The following DNM1 variants were observed in gnomAD, a reference collection of about 807,000 sequenced individuals.
DNM1 encodes the protein dynamin-1.
DNM1 carries 29 observed loss-of-function variants against 104.6 expected under a neutral mutation model. That is an observed-to-expected ratio of 0.28 (90% confidence interval 0.21 to 0.38). The LOEUF (loss-of-function observed/expected upper bound fraction) is 0.38. DNM1 is among the 10% of genes least tolerant of loss of function. The probability of loss-of-function intolerance (pLI) is 1.00; values close to 1 mark genes in which losing one functional copy is unlikely to be tolerated. For missense variants in DNM1, 640 were observed against 1,189.4 expected, an observed-to-expected ratio of 0.54 and a Z score of 6.79; for synonymous variants, 445 against 475.8, an observed-to-expected ratio of 0.94 and a Z score of 0.84.
chr9:128,253,747 C>A lies in DNM1; in HGVS notation c.2535-907C>A. 2.7e-6 allele frequency: 1 copy of A among 369,802 alleles called. No homozygotes were observed. Among genetic ancestry groups the A allele is most frequent in the East Asian group, 4.3e-5 (1 of 23,356 alleles). 22.9% of individuals were successfully genotyped at this position (369,802 alleles called of 1,614,324 possible). A position where few individuals can be genotyped will look rare whatever the true frequency, so the allele number is the denominator to read the frequency against. On this transcript the variant is annotated intron_variant, in intron 21 of 21. Coordinates refer to ENST00000372923, the MANE Select transcript of DNM1 (RefSeq NM_004408.4). This position sits in a 1 kb window ranked among gnomAD's most constrained non-coding sequence, Gnocchi z 5.9. ...GTCATCCCACGACATACCTCACAGGCCAGGCAGGGACACACAGCCCCCTTC... is the reference window on the plus strand; with the variant it reads ...GTCATCCCACGACATACCTCACAGGACAGGCAGGGACACACAGCCCCCTTC...
In DNM1 at chr9:128,245,024, AGGGGCCTGAGGAG is replaced by A; in HGVS notation, c.1672-1363_1672-1351del. 1 of 235,750 alleles carries A rather than the reference AGGGGCCTGAGGAG, an allele frequency of 4.2e-6. No homozygotes were observed. 14.6% of individuals were successfully genotyped at this position (235,750 alleles called of 1,614,324 possible). On this transcript the variant is annotated intron_variant, in intron 15 of 21. Transcript: ENST00000372923. The surrounding 1 kb of genome is among the most constrained non-coding windows in gnomAD (Gnocchi z 5.2). ...TGAGCGGGAGCTGGGGCTGAGAAGG[AGGGGCCTGAGGAG>A]GGGGCCGGCCGGCAGGAAGGGAGGG...
intron 19 of DNM1, among the ~76,000 whole-genome samples, chr9:128,249,262 C>G (rs1419870181): frequency 6.6e-6 from 1 of 152,030 alleles, no homozygotes; most frequent in Non-Finnish European, 1.5e-5. Context: ...GTAATCCCAG[C>G]ACTTTGGGAG....
chr9:128,239,901 C>A, intron 13 of DNM1, 84 bp from the exon 14 acceptor site: 3 of 1,588,668 alleles, frequency 1.9e-6, no homozygotes, highest in Non-Finnish European at 2.6e-6. Context: ...CAGCTGCCAG[C>A]CACAAGCCTC....
At chr9:128,225,974 C>A in intron 10 of DNM1, 1 of 1,555,290 alleles carries the variant, frequency 6.4e-7, no homozygotes. Flanking sequence ...GGCTTTCACC[C>A]ACTTCTCCTC....
chr9:128,245,152 T>TCCCTGG lies in DNM1; in HGVS notation c.1672-1239_1672-1234dup, dbSNP rs934253841. On this transcript the variant is annotated intron_variant, in intron 15 of 21. Coordinates refer to ENST00000372923, the MANE Select transcript of DNM1 (RefSeq NM_004408.4). The surrounding 1 kb of genome is among the most constrained non-coding windows in gnomAD (Gnocchi z 5.2). ...GCCTCTCTCGAACGGTTCCAGATGT[T>TCCCTGG]CCCTGGCCGTGTGTGCAACTTCCTC... 2.3e-5 allele frequency: 4 copies of TCCCTGG among 172,632 alleles called. No individual in the cohort carries two copies. The highest frequency in any genetic ancestry group is 9.5e-5 in the African/African-American group (4 of 42,148). 10.7% of individuals were successfully genotyped at this position (172,632 alleles called of 1,614,324 possible).
rs530320406 is a variant in DNM1 at position 128,207,992 on chromosome 9, AC to A, written c.161+4367del. 5.7e-3 allele frequency among the ~76,000 whole-genome samples: 845 copies of A among 148,702 alleles called. 7 individuals are homozygous for A. Among genetic ancestry groups the A allele is most frequent in the Middle Eastern group, 0.011 (3 of 282 alleles). ...TTTAGGTTTCCCCGTAACTCTGCCTACCCCCCACCCCCAGGCTTTCTGTCTC... is the reference window on the plus strand; with the variant it reads ...TTTAGGTTTCCCCGTAACTCTGCCTACCCCCACCCCCAGGCTTTCTGTCTC... On this transcript the variant is annotated intron_variant, in intron 1 of 21. Coordinates refer to ENST00000372923, the MANE Select transcript of DNM1 (RefSeq NM_004408.4).
In DNM1 at chr9:128,224,169, G is replaced by A. The variant is rs1182506364; in HGVS notation, c.1197-82G>A. 1.4e-5 allele frequency: 22 copies of A among 1,531,298 alleles called. No individual in the cohort carries two copies. Among genetic ancestry groups the A allele is most frequent in the Non-Finnish European group, 1.9e-5 (22 of 1,135,468 alleles). 94.9% of individuals were successfully genotyped at this position (1,531,298 alleles called of 1,614,324 possible). ...AGGGCCCCTCAGGCAGAGTTCGTGGGCTTGGGGAGGAGCCTCGGCCTGGCC... is the reference window on the plus strand; with the variant it reads ...AGGGCCCCTCAGGCAGAGTTCGTGGACTTGGGGAGGAGCCTCGGCCTGGCC... On this transcript the variant is annotated intron_variant, in intron 9 of 21. Coordinates refer to ENST00000372923, the MANE Select transcript of DNM1 (RefSeq NM_004408.4). This position sits in a 1 kb window ranked among gnomAD's most constrained non-coding sequence, Gnocchi z 4.3.
chr9:128,242,169 A>G (rs1035648691), intron 14 of DNM1, 63 bp from the exon 15 acceptor site: 8 of 942,044 alleles, frequency 8.5e-6, no homozygotes, highest in South Asian at 1.3e-5. Flanking sequence ...CTCTTTGCCT[A>G]CCCCATCCCC....
At position 128,218,613 on chromosome 9, in the gene DNM1, G is replaced by T. The variant is rs1229779896; in HGVS notation, c.267G>T (p.Lys89Asn). ...CCGAGTTCCTGCACTGCAAGGGAAA[G>T]AAATTCACCGACTTCGAGGAGGTGC... The part of the protein sequence containing the change: ...EYAEFLHCKG[K>N]KFTDFEEVRL... The change falls in exon 3 of 22, where the codon AAG becomes AAT. Residue 89 changes from lysine (K) to asparagine (N), a missense_variant. This residue lies in a region of DNM1 where 172 missense variants were observed against 335.3 expected (regional missense o/e 0.51). Coordinates refer to ENST00000372923, the MANE Select transcript of DNM1 (RefSeq NM_004408.4). This position sits in a 1 kb window ranked among gnomAD's most constrained non-coding sequence, Gnocchi z 4.8. The T allele has an allele frequency of 2.5e-6, 4 of 1,613,468 alleles. No homozygotes were observed. Among genetic ancestry groups the T allele is most frequent in the African/African-American group, 2.7e-5 (2 of 74,872 alleles).
chr9:128,251,419 C>T, intron 21 of DNM1: 1 of 294,176 alleles, frequency 3.4e-6, no homozygotes, highest in East Asian at 1.1e-4. Flanking sequence ...CCAGCCCTGA[C>T]TCCTTTGAGC....
At position 128,234,111 on chromosome 9, in the gene DNM1, AG is replaced by A. The variant is rs1280153172; in HGVS notation, c.1422+5del. 1.3e-6 allele frequency: 2 copies of A among 1,538,608 alleles called. No homozygotes were observed. Among genetic ancestry groups the A allele is most frequent in the Admixed American group, 2.0e-5 (1 of 50,432 alleles). On this transcript the variant is annotated splice_donor_5th_base_variant and intron_variant, in intron 11 of 21. Coordinates refer to ENST00000372923, the MANE Select transcript of DNM1 (RefSeq NM_004408.4). ...CGAGGGCCGCACTAAGGAGCAGGTG[AG>A]CCCCGCAGCACCCGGCCTGGCCGCG... is the stretch of plus-strand genomic sequence containing the variant.
intron 20 of DNM1, 113 bp from the exon 21 acceptor site, chr9:128,250,612 A>G: frequency 9.5e-7 from 1 of 1,054,016 alleles, no homozygotes; most frequent in Non-Finnish European, 1.3e-6. Flanking sequence ...GGGGTGCGGC[A>G]GGGAGGGGCT....
rs752575279 is a variant in DNM1, at chr9:128,254,655, C to T, written c.2536C>T (p.Arg846Ter). The change falls in exon 22 of 22, where the codon CGA becomes TGA. Residue 846 changes from arginine to a stop codon, truncating the protein, a stop_gained and splice_region_variant. Transcript: ENST00000372923. LOFTEE classifies it high-confidence loss of function. This position sits in a 1 kb window ranked among gnomAD's most constrained non-coding sequence, Gnocchi z 6.1. ...CTCTGCTTTCTCTCCAACTGCCAGC[C>T]GATCGGGTCAGGCAAGTCCATCCCG... ...PNRAPPGVPSRSGQASPSRPE... is the reference protein window; with the variant it reads ...PNRAPPGVPS 8.1e-6 allele frequency: 13 copies of T among 1,596,148 alleles called. No homozygotes were observed. In the Admixed American group the frequency reaches 1.2e-4, roughly 14 times the overall value.
intron 10 of DNM1, among the ~76,000 whole-genome samples, chr9:128,231,137 C>G (rs1469181246): frequency 7.0e-6 from 1 of 142,478 alleles, no homozygotes; most frequent in Non-Finnish European, 1.5e-5. Context: ...AAAAACTGAT[C>G]AACAAATATT....
intron 10 of DNM1, among the ~76,000 whole-genome samples, chr9:128,228,962 G>A (rs1051217559): frequency 6.0e-5 from 9 of 150,130 alleles, no homozygotes; most frequent in Admixed American, 1.3e-4. Flanking sequence ...CAGCCTGGGC[G>A]ACAGAGCCAG....
chr9:128,209,217 A>C (rs1588319414), intron 1 of DNM1, among the ~76,000 whole-genome samples: 1 of 152,084 alleles, frequency 6.6e-6, no homozygotes, highest in African/African-American at 2.4e-5. Flanking sequence ...ATGGAAATGC[A>C]CCCATCCACA....
At chr9:128,250,488 A>T (rs994331627) in intron 20 of DNM1, 132 bp downstream of exon 20, 3 of 1,119,082 alleles carry the variant, frequency 2.7e-6, no homozygotes, top group Non-Finnish European at 3.7e-6. Context: ...GAGCTTAGAG[A>T]GGGCGGGGCT....
chr9:128,227,375 C>CT lies in DNM1; in HGVS notation c.1335+3012dup, dbSNP rs59856862. Among the ~76,000 whole-genome samples the CT allele has an allele frequency of 7.9e-4, 40 of 50,456 alleles. 4 individuals are homozygous for CT. The highest frequency in any genetic ancestry group is 1.0e-3 in the Non-Finnish European group (31 of 30,152). 33.1% of individuals were successfully genotyped at this position (50,456 alleles called of 152,430 possible). ...TGCTACATAAAGATTGGTCTCATGCCTTTTTTTTTTTTTTTTTTTTTTTTT... is the reference window on the plus strand; with the variant it reads ...TGCTACATAAAGATTGGTCTCATGCCTTTTTTTTTTTTTTTTTTTTTTTTTT... On this transcript the variant is annotated intron_variant, in intron 10 of 21. Transcript: ENST00000372923.
rs61020870 is a variant in DNM1, at chr9:128,220,742, C to CGCGCGCGTGTGTGTGTGTGTGTGTGT, written c.849+402_849+403insCGCGCGTGTGTGTGTGTGTGTGTGTG. ...CAGAACTGAAGTGCGCGCGCGCGCG[C>CGCGCGCGTGTGTGTGTGTGTGTGTGT]GTGTGTGTGTGTGTGTGTGTGTGTG... is the stretch of plus-strand genomic sequence containing the variant. On this transcript the variant is annotated intron_variant, in intron 6 of 21. Transcript: ENST00000372923. This position sits in a 1 kb window ranked among gnomAD's most constrained non-coding sequence, Gnocchi z 5.2. Among the ~76,000 whole-genome samples, 6 of 136,362 alleles carry CGCGCGCGTGTGTGTGTGTGTGTGTGT rather than the reference C, an allele frequency of 4.4e-5. No individual in the cohort carries two copies. Among genetic ancestry groups the CGCGCGCGTGTGTGTGTGTGTGTGTGT allele is most frequent in the African/African-American group, 1.6e-4 (6 of 37,808 alleles). 89.5% of individuals were successfully genotyped at this position (136,362 alleles called of 152,430 possible).
Sources: allele counts gnomAD v4.1 joint callset (sites outside exome capture counted in the v4.1 genomes callset), GRCh38; gene constraint gnomAD v4.1.1; regional missense constraint gnomAD v4.1.1; non-coding constraint Gnocchi (gnomAD v3.1); transcripts MANE v1.5; gene names NCBI Gene and HGNC (gene_info 2026-07-23, HGNC 2026-07-21).